The following HLCS variants were observed in gnomAD, a reference collection of about 807,000 sequenced individuals.
The protein encoded by HLCS is biotin--protein ligase.
In HLCS, 53 loss-of-function variants were observed where a neutral mutation model predicts 75.0. The ratio of observed to expected loss-of-function variants is 0.71; its 90% confidence interval spans 0.57 to 0.89. HLCS has a LOEUF of 0.89. HLCS is among the 40% of genes least tolerant of loss of function. The pLI, the probability that HLCS is intolerant of heterozygous loss-of-function variation, is 0.00. For missense variants in HLCS, 966 were observed against 1,074.0 expected (o/e 0.90, Z 1.41); for synonymous variants, 431 against 428.6 (o/e 1.01, Z -0.07).
intron 7 of HLCS, 34 bp from the exon 8 acceptor site, chr21:36,765,206 C>T (rs746550986): frequency 6.2e-7 from 1 of 1,612,098 alleles, no homozygotes; most frequent in South Asian, 1.1e-5. Flanking sequence ...AACATGCTAC[C>T]TTGCCACGTG....
rs887732131 is a variant in HLCS, at chr21:36,842,501, A to G, written c.1892+54359T>C. ...ATCCCTATAATCCCAGCACTTCGGGAGGCCAAGGTGGGCAGATCACATGAG... is the reference window on the plus strand; with the variant it reads ...ATCCCTATAATCCCAGCACTTCGGGGGGCCAAGGTGGGCAGATCACATGAG... On this transcript the variant is annotated intron_variant, in intron 6 of 10. Coordinates refer to ENST00000674895, the MANE Select transcript of HLCS (RefSeq NM_001352514.2). This position sits in a 1 kb window ranked among gnomAD's most constrained non-coding sequence, Gnocchi z 4.2. 3.9e-5 allele frequency among the ~76,000 whole-genome samples: 6 copies of G among 152,208 alleles called. 1 individual carries two copies. Among genetic ancestry groups the G allele is most frequent in the Admixed American group, 6.5e-5 (1 of 15,286 alleles).
chr21:36,959,351 C>G (rs2068150720), intron 2 of HLCS, among the ~76,000 whole-genome samples: 1 of 152,222 alleles, frequency 6.6e-6, no homozygotes, highest in East Asian at 1.9e-4. Flanking sequence ...CACTCTGGAC[C>G]ACGAGGATGG....
At chr21:36,897,239 T>G in intron 5 of HLCS, 108 bp from the exon 6 acceptor site, 1 of 1,084,438 alleles carries the variant, frequency 9.2e-7, no homozygotes, top group Admixed American at 1.8e-5. Context: ...TCCTAATTCA[T>G]GACCAAGAAA....
At position 36,937,281 on chromosome 21, in the gene HLCS, T is replaced by C. The variant is rs754862559; in HGVS notation, c.605A>G (p.Gln202Arg). 1 of 1,614,148 alleles carries C rather than the reference T, an allele frequency of 6.2e-7. No individual in the cohort carries two copies. Among genetic ancestry groups the C allele is most frequent in the Non-Finnish European group, 8.5e-7 (1 of 1,180,014 alleles). The change falls in exon 4 of 11, where the codon CAG becomes CGG. Residue 202 changes from glutamine (Q) to arginine (R), a missense_variant. Transcript: ENST00000674895. Reference protein sequence around the residue: ...PEPSLEIKPEQDGMEHVGRDD... With the variant: ...PEPSLEIKPERDGMEHVGRDD... ...TCTGCCAACATGCTCCATACCGTCC[T>C]GCTCAGGCTTAATCTCAAGAGAAGG...
At chr21:36,853,521 AG>A (rs1299080136) in intron 6 of HLCS, among the ~76,000 whole-genome samples, 3 of 152,182 alleles carry the variant, frequency 2.0e-5, no homozygotes, top group Non-Finnish European at 2.9e-5. Flanking sequence ...TGTATTGATG[AG>A]GTAGTATTAA....
intron 6 of HLCS, among the ~76,000 whole-genome samples, chr21:36,871,660 T>G (rs538512446): frequency 2.0e-4 from 31 of 152,298 alleles, no homozygotes; most frequent in Non-Finnish European, 3.5e-4. Flanking sequence ...AAGGTTGGAA[T>G]TTAGCATGAA....
chr21:36,776,291 A>T (rs2060355121), intron 6 of HLCS, among the ~76,000 whole-genome samples: 1 of 152,124 alleles, frequency 6.6e-6, no homozygotes, highest in East Asian at 1.9e-4. Flanking sequence ...GTTGAGAGTG[A>T]GCTGCAGCCC....
At chr21:36,935,883 C>T (rs1372944388) in intron 4 of HLCS, among the ~76,000 whole-genome samples, 1 of 152,164 alleles carries the variant, frequency 6.6e-6, no homozygotes, top group Non-Finnish European at 1.5e-5. Flanking sequence ...ATCTAAGTAG[C>T]TTCAATATTC....
At chr21:36,813,475 A>G (rs1205547328) in intron 6 of HLCS, among the ~76,000 whole-genome samples, 2 of 152,228 alleles carry the variant, frequency 1.3e-5, no homozygotes, top group Non-Finnish European at 2.9e-5. Flanking sequence ...GGATCATGGG[A>G]GAAAGGAAAT....
At position 36,896,981 on chromosome 21, in the gene HLCS, C is replaced by T. The variant is rs2065038117; in HGVS notation, c.1771G>A (p.Glu591Lys). The T allele has an allele frequency of 6.2e-7, 1 of 1,614,184 alleles. No individual in the cohort carries two copies. The highest frequency in any genetic ancestry group is 8.5e-7 in the Non-Finnish European group (1 of 1,180,022). The change falls in exon 6 of 11, where the codon GAG (glutamate) becomes AAG (lysine). Residue 591 changes from glutamate to lysine, a missense_variant. Coordinates refer to ENST00000674895, the MANE Select transcript of HLCS (RefSeq NM_001352514.2). ...TTGAAATGTTCTGATGAGAAGGCCTCCATGTTGGTCACCACAGGTATACAA... is the reference window on the plus strand; with the variant it reads ...TTGAAATGTTCTGATGAGAAGGCCTTCATGTTGGTCACCACAGGTATACAA... ...PSCIPVVTNMEAFSSEHFNLE... is the reference protein window; with the variant it reads ...PSCIPVVTNMKAFSSEHFNLE...
chr21:36,883,277 A>C (rs1180019095), intron 6 of HLCS, among the ~76,000 whole-genome samples: 1 of 152,244 alleles, frequency 6.6e-6, no homozygotes, highest in African/African-American at 2.4e-5. Flanking sequence ...AGAAAAACAA[A>C]AGTTCCCTCT....
At position 36,981,787 on chromosome 21, in the gene HLCS, T is replaced by C. The variant is rs571959174; in HGVS notation, c.-393+8371A>G. Among the ~76,000 whole-genome samples the C allele has an allele frequency of 7.2e-5, 11 of 152,286 alleles. No homozygotes were observed. The South Asian group carries it at 2.1e-3, about 29-fold the overall frequency. Reference sequence around the variant, plus strand: ...ATTCTGCCACTGGAACCCTGAATGCTTCACTTTCAGCACAAAAATTTCAAG... The same window carrying C: ...ATTCTGCCACTGGAACCCTGAATGCCTCACTTTCAGCACAAAAATTTCAAG... On this transcript the variant is annotated intron_variant, in intron 1 of 11. Transcript: ENST00000336648.
rs2068330742 is a variant in HLCS, at chr21:36,962,149, A to G, written c.217T>C (p.Trp73Arg). 2 of 1,288,808 alleles carry G rather than the reference A, an allele frequency of 1.6e-6. No individual in the cohort carries two copies. The highest frequency in any genetic ancestry group is 2.1e-4 in the Middle Eastern group (1 of 4,712). 79.8% of individuals were successfully genotyped at this position (1,288,808 alleles called of 1,614,324 possible). A position where few individuals can be genotyped will look rare whatever the true frequency, so the allele number is the denominator to read the frequency against. ...DSQSIEDLNK[W>R]ALFLVSPFIL... Reference sequence around the variant, plus strand: ...AAAGGAGACACAAGAAATAGGGCCCACTTGTTCAAGTCTTCAATGGACTGT... The same window carrying G: ...AAAGGAGACACAAGAAATAGGGCCCGCTTGTTCAAGTCTTCAATGGACTGT... Residue 73 changes from tryptophan to arginine, a missense_variant, in exon 2 of 11, where the codon TGG (tryptophan) becomes CGG (arginine). Trp to Arg is a moderately radical substitution (Grantham distance 101). Transcript: ENST00000674895.
chr21:36,914,604 T>A (rs966817736), intron 5 of HLCS, among the ~76,000 whole-genome samples: 1 of 152,184 alleles, frequency 6.6e-6, no homozygotes, highest in South Asian at 2.1e-4. Flanking sequence ...AGGGAGTGAA[T>A]AAGTCATTTC....
chr21:36,966,212 C>T (rs1601910560), intron 1 of HLCS, among the ~76,000 whole-genome samples: 1 of 152,342 alleles, frequency 6.6e-6, no homozygotes. Flanking sequence ...AGTCACGCGT[C>T]CAGCACCGCC....
chr21:36,911,811 G>A (rs1180972415), intron 5 of HLCS, among the ~76,000 whole-genome samples: 2 of 146,646 alleles, frequency 1.4e-5, no homozygotes, highest in African/African-American at 5.0e-5. Context: ...GCTCTCACCT[G>A]TACTCCCAAC....
chr21:36,908,848 A>C (rs2065576860), intron 5 of HLCS, among the ~76,000 whole-genome samples: 1 of 152,228 alleles, frequency 6.6e-6, no homozygotes, highest in African/African-American at 2.4e-5. Context: ...TAGACAGTAT[A>C]TCAGTGATCT....
chr21:36,757,149 TCTC>T (rs1397120799), intron 9 of HLCS, among the ~76,000 whole-genome samples: 1 of 152,192 alleles, frequency 6.6e-6, no homozygotes, highest in Non-Finnish European at 1.5e-5. Context: ...TCTGGTTTCT[TCTC>T]CTGCTTGAAT....
intron 5 of HLCS, among the ~76,000 whole-genome samples, chr21:36,927,314 C>T (rs1487289447): frequency 6.6e-6 from 1 of 152,206 alleles, no homozygotes; most frequent in East Asian, 1.9e-4. Flanking sequence ...CACACGCTAC[C>T]ATGGTGTCTG....
Sources: allele counts gnomAD v4.1 joint callset (sites outside exome capture counted in the v4.1 genomes callset), GRCh38; gene constraint gnomAD v4.1.1; non-coding constraint Gnocchi (gnomAD v3.1); transcripts MANE v1.5; gene names NCBI Gene and HGNC (gene_info 2026-07-23, HGNC 2026-07-21).